STXBP5: variants seen among roughly 807,000 people sequenced by gnomAD.
STXBP5 encodes syntaxin binding protein 5, also known as syntaxin-binding protein 5.
In STXBP5, 50 loss-of-function variants were observed where a neutral mutation model predicts 152.4. The observed-to-expected ratio is 0.33, with a 90% CI of 0.26 to 0.42. The LOEUF is 0.42. STXBP5 is among the 10% of genes least tolerant of loss of function. The pLI is 1.00. For missense variants in STXBP5, 1,167 were observed against 1,388.6 expected (o/e 0.84, Z 2.54); for synonymous variants, 492 against 494.7 (o/e 0.99, Z 0.07).
intron 9 of STXBP5, among the ~76,000 whole-genome samples, chr6:147,306,606 A>G (rs1782107396): frequency 6.6e-6 from 1 of 152,166 alleles, no homozygotes; most frequent in African/African-American, 2.4e-5. Flanking sequence ...GAGTCCTTTC[A>G]CCCATTATCA....
At chr6:147,209,537 A>G (rs1388282845) in intron 2 of STXBP5, among the ~76,000 whole-genome samples, 3 of 152,088 alleles carry the variant, frequency 2.0e-5, no homozygotes, top group Non-Finnish European at 4.4e-5. Flanking sequence ...AAGGTGCAGT[A>G]TTAAATGATT....
Position 147,233,178 on chromosome 6 carries a change from G to A in STXBP5, c.249-2072G>A, listed in dbSNP as rs12526804. Among the ~76,000 whole-genome samples the A allele has an allele frequency of 5.3e-3, 808 of 151,828 alleles. 6 individuals are homozygous for A. The highest frequency in any genetic ancestry group is 0.019 in the Admixed American group (289 of 15,238). On this transcript the variant is annotated intron_variant, in intron 2 of 27. Transcript: ENST00000321680. ...TTAAACAAACATCTAAGATGAATGC[G>A]TTTGAAAGACTTCATGAAGGTCAGT...
chr6:147,242,022 C>G (rs751133044), intron 4 of STXBP5, among the ~76,000 whole-genome samples: 55 of 151,826 alleles, frequency 3.6e-4, no homozygotes, highest in Admixed American at 1.6e-3. Context: ...TTCCAGAAGG[C>G]ATTGTTATCA....
intron 8 of STXBP5, among the ~76,000 whole-genome samples, chr6:147,279,847 A>G (rs1012674105): frequency 1.6e-4 from 25 of 152,322 alleles, no homozygotes; most frequent in Middle Eastern, 3.4e-3. Context: ...AAAAAGTACC[A>G]ATAAGGTGTG....
intron 24 of STXBP5, 104 bp from the exon 25 acceptor site, chr6:147,363,897 C>A: frequency 7.1e-7 from 1 of 1,404,790 alleles, no homozygotes; most frequent in Non-Finnish European, 9.6e-7. Context: ...AGTATACAAA[C>A]TAAATCATAA....
chr6:147,357,472 G>A (rs1379472523), intron 22 of STXBP5, among the ~76,000 whole-genome samples: 2 of 152,128 alleles, frequency 1.3e-5, no homozygotes, highest in African/African-American at 4.8e-5. Flanking sequence ...AAAAACTTGA[G>A]TAAGATTATA....
intron 5 of STXBP5, 145 bp downstream of exon 5, chr6:147,260,894 A>T: frequency 9.3e-7 from 1 of 1,079,678 alleles, no homozygotes; most frequent in East Asian, 2.7e-5. Context: ...TTAGTTTTTT[A>T]TGAGTAGTAT....
chr6:147,342,201 C>T lies in STXBP5; in HGVS notation c.2254+2817C>T, dbSNP rs1784124004. Among the ~76,000 whole-genome samples the T allele has an allele frequency of 5.3e-5, 8 of 152,096 alleles. 1 individual carries two copies. In the South Asian group the frequency reaches 1.7e-3, roughly 32 times the overall value. On this transcript the variant is annotated intron_variant, in intron 21 of 27. Coordinates refer to ENST00000321680, the MANE Select transcript of STXBP5 (RefSeq NM_001127715.4). Reference sequence around the variant, plus strand: ...AAAAAGATTAAGTTCTGTGTTAGAGCCAGATCATGGATGCCATCTTGGTAC... The same window carrying T: ...AAAAAGATTAAGTTCTGTGTTAGAGTCAGATCATGGATGCCATCTTGGTAC...
At chr6:147,225,119 T>A (rs1435898101) in intron 2 of STXBP5, among the ~76,000 whole-genome samples, 1 of 152,202 alleles carries the variant, frequency 6.6e-6, no homozygotes, top group African/African-American at 2.4e-5. Context: ...GTGTTTCTGA[T>A]GAATTAAAAT....
intron 7 of STXBP5, among the ~76,000 whole-genome samples, chr6:147,273,734 G>A (rs1027928774): frequency 2.0e-5 from 3 of 152,068 alleles, no homozygotes; most frequent in Admixed American, 6.5e-5. Flanking sequence ...GGCAGATCAC[G>A]AGGTCAGGAG....
At chr6:147,300,520 A>T (rs1216313865) in intron 9 of STXBP5, among the ~76,000 whole-genome samples, 2 of 152,120 alleles carry the variant, frequency 1.3e-5, no homozygotes, top group African/African-American at 2.4e-5. Context: ...ATCTATAGCC[A>T]GTTGATTTCC....
At chr6:147,235,112 C>A in intron 2 of STXBP5, 138 bp from the exon 3 acceptor site, 1 of 658,688 alleles carries the variant, frequency 1.5e-6, no homozygotes, top group East Asian at 2.8e-5. Flanking sequence ...TGTAACAAAC[C>A]TAACTCTAAA....
At chr6:147,235,352 A>G (rs1473663092) in intron 3 of STXBP5, 21 bp downstream of exon 3, 3 of 1,596,668 alleles carry the variant, frequency 1.9e-6, no homozygotes, top group Non-Finnish European at 8.6e-7. Context: ...TGTTTTAATC[A>G]TTTCTACTTA....
intron 9 of STXBP5, among the ~76,000 whole-genome samples, chr6:147,307,422 A>G (rs1204886241): frequency 6.6e-6 from 1 of 152,218 alleles, no homozygotes; most frequent in African/African-American, 2.4e-5. Context: ...CATGTTACCT[A>G]GAAATAGTTG....
chr6:147,266,671 G>A (rs1047867243), intron 6 of STXBP5, among the ~76,000 whole-genome samples: 10 of 152,074 alleles, frequency 6.6e-5, no homozygotes, highest in African/African-American at 2.4e-4. Context: ...TGGAGATGTG[G>A]CCACTGGAAT....
At chr6:147,303,387 C>T (rs1329697300) in intron 9 of STXBP5, among the ~76,000 whole-genome samples, 1 of 152,168 alleles carries the variant, frequency 6.6e-6, no homozygotes, top group Non-Finnish European at 1.5e-5. Context: ...ATATTTGCTG[C>T]ACCTTCCACC....
At chr6:147,373,675 A>C (rs555299019) in intron 25 of STXBP5, 56 bp from the exon 26 acceptor site, 3 of 1,305,074 alleles carry the variant, frequency 2.3e-6, no homozygotes, top group African/African-American at 2.9e-5. Flanking sequence ...ACTTTTGTTC[A>C]TTATAGTTTA....
chr6:147,223,576 T>G (rs1408997190), intron 2 of STXBP5, among the ~76,000 whole-genome samples: 1 of 152,206 alleles, frequency 6.6e-6, no homozygotes, highest in African/African-American at 2.4e-5. Flanking sequence ...ATTATACTTA[T>G]GTCCACAAGG....
rs561766030 is a variant in STXBP5 at position 147,375,486 on chromosome 6, C to G, written c.3193+1644C>G. Among the ~76,000 whole-genome samples, 30 of 151,738 alleles carry G rather than the reference C, an allele frequency of 2.0e-4. 1 individual carries two copies. The highest frequency in any genetic ancestry group is 7.2e-4 in the African/African-American group (30 of 41,434). On this transcript the variant is annotated intron_variant, in intron 26 of 27. Transcript: ENST00000321680. ...TTAAACATACGTTAGGAGAAGTCAT[C>G]TAAAATGCAGCACAAAGAAACAAAA...
Sources: gnomAD v4.1 joint callset for allele counts (sites outside exome capture counted in the v4.1 genomes callset) on GRCh38, gnomAD v4.1.1 for gene constraint, MANE v1.5 for transcripts, NCBI Gene and HGNC (gene_info 2026-07-23, HGNC 2026-07-21) for gene names.